CDH17: variants seen among roughly 807,000 people sequenced by gnomAD.
The protein encoded by CDH17 is cadherin 17.
A neutral mutation model predicts 86.3 loss-of-function variants in CDH17; 67 were observed. That is an observed-to-expected ratio of 0.78 (90% CI 0.64 to 0.95). The LOEUF is 0.95. Ranked by LOEUF, CDH17 falls within the 40% of genes least tolerant of loss-of-function variation. CDH17 has a pLI of 0.00. For missense variants in CDH17, 993 were observed against 1,017.6 expected, an observed-to-expected ratio of 0.98 and a Z score of 0.33; for synonymous variants, 367 against 366.4, an observed-to-expected ratio of 1.00 and a Z score of -0.02.
In CDH17 at chr8:94,145,992, G is replaced by A. The variant is rs1160744864; in HGVS notation, c.2103C>T (p.Pro701=). 1.9e-6 allele frequency: 3 copies of A among 1,613,672 alleles called. No individual in the cohort carries two copies. Among genetic ancestry groups the A allele is most frequent in the East Asian group, 4.5e-5 (2 of 44,862 alleles). ...TDDDQHLFRG[P]HFTFSLGSGS... is the part of the protein sequence containing the mutation. ...CACTGCCGAGGGAAAATGTAAAATG[G>A]GGACCCCGAAATAAGTGCTGATCAT... The change falls in exon 15 of 18, where the codon CCC becomes CCT. Residue 701 remains proline, a synonymous_variant. Transcript: ENST00000027335.
chr8:94,193,787 G>C (rs1461929552), intron 2 of CDH17, among the ~76,000 whole-genome samples: 1 of 152,094 alleles, frequency 6.6e-6, no homozygotes, highest in Non-Finnish European at 1.5e-5. Context: ...CGGGAGGAAG[G>C]CTCTGATAGT....
intron 1 of CDH17, among the ~76,000 whole-genome samples, chr8:94,214,607 T>C (rs1166106764): frequency 6.6e-6 from 1 of 152,002 alleles, no homozygotes; most frequent in Non-Finnish European, 1.5e-5. Flanking sequence ...GTCTTAGCTA[T>C]GACACCAAAA....
intron 1 of CDH17, among the ~76,000 whole-genome samples, chr8:94,205,214 T>C (rs891840952): frequency 3.2e-4 from 49 of 152,176 alleles, no homozygotes; most frequent in African/African-American, 1.1e-3. Context: ...CACAAGCATC[T>C]TCCCTGGACT....
chr8:94,196,520 C>T (rs1029797114), intron 1 of CDH17, among the ~76,000 whole-genome samples: 44 of 152,116 alleles, frequency 2.9e-4, no homozygotes, highest in Admixed American at 2.3e-3. Context: ...CCCTGGCCAA[C>T]ATGGCGAGAC....
chr8:94,210,019 A>G (rs1317322969), upstream of CDH17, among the ~76,000 whole-genome samples: 1 of 152,038 alleles, frequency 6.6e-6, no homozygotes, highest in Non-Finnish European at 1.5e-5. Context: ...TATCAATTAA[A>G]ATTCTGTTTT....
At chr8:94,190,850 C>T (rs997267656) in intron 2 of CDH17, among the ~76,000 whole-genome samples, 1 of 152,192 alleles carries the variant, frequency 6.6e-6, no homozygotes, top group Non-Finnish European at 1.5e-5. Flanking sequence ...TGCTAGATCC[C>T]TCAGTCTGGG....
rs1468067779 is a variant in CDH17, at chr8:94,148,258, G to A, written c.1927+486C>T. Among the ~76,000 whole-genome samples the A allele has an allele frequency of 3.3e-5, 5 of 152,062 alleles. No individual in the cohort carries two copies. In the East Asian group the frequency reaches 9.6e-4, roughly 29 times the overall value. On this transcript the variant is annotated intron_variant, in intron 14 of 17. Transcript: ENST00000027335. Reference sequence around the variant, plus strand: ...TTTTCACCTTTAACAAAACCACAAAGGGGCTGGGCGTGGTGGCTCACACCT... The same window carrying A: ...TTTTCACCTTTAACAAAACCACAAAAGGGCTGGGCGTGGTGGCTCACACCT...
chr8:94,174,068 C>T lies in CDH17; in HGVS notation c.583+34G>A, dbSNP rs776972662. ...ACAGACCAAACTCCCTTTTTCTGAT[C>T]GAGACAGTCCTACCAGGGCACCCCT... On this transcript the variant is annotated intron_variant, in intron 6 of 17. Coordinates refer to ENST00000027335, the MANE Select transcript of CDH17 (RefSeq NM_004063.4). The T allele has an allele frequency of 1.4e-5, 22 of 1,610,036 alleles. No individual in the cohort carries two copies. In the Admixed American group the frequency reaches 2.0e-4, roughly 15 times the overall value.
rs201028445 is a variant in CDH17, at chr8:94,165,850, G to A, written c.1193C>T (p.Thr398Ile). ...LPMDGLFLIQTYAGMLQLAKQ... is the reference protein window; with the variant it reads ...LPMDGLFLIQIYAGMLQLAKQ... The stretch of plus-strand genomic sequence containing the variant: ...AGCTAACTGTAACATTCCAGCATAG[G>A]TTTGGATTAGGAAGAGTCCATCCAT... The change falls in exon 10 of 18, where the codon ACC becomes ATC. Residue 398 changes from threonine to isoleucine, a missense_variant. By Grantham distance (89) the Thr-to-Ile change is moderately conservative (BLOSUM62 -1). Coordinates refer to ENST00000027335, the MANE Select transcript of CDH17 (RefSeq NM_004063.4). 1.9e-5 allele frequency: 30 copies of A among 1,613,778 alleles called. No individual in the cohort carries two copies. In the East Asian group the frequency reaches 4.7e-4, roughly 25 times the overall value.
At chr8:94,147,356 C>G (rs1812763646) in intron 14 of CDH17, among the ~76,000 whole-genome samples, 1 of 152,156 alleles carries the variant, frequency 6.6e-6, no homozygotes, top group Non-Finnish European at 1.5e-5. Context: ...TGCATTCTAC[C>G]CTTTTTGGTT....
rs183850907 is a variant in CDH17 at position 94,144,521 on chromosome 8, C to T, written c.2167+1407G>A. Reference sequence around the variant, plus strand: ...TGCAATAAGATGAGGTATGCCTATACAAAAATTACCTTAAAAAGGCATAGA... The same window carrying T: ...TGCAATAAGATGAGGTATGCCTATATAAAAATTACCTTAAAAAGGCATAGA... On this transcript the variant is annotated intron_variant, in intron 15 of 17. Transcript: ENST00000027335. 8.6e-5 allele frequency among the ~76,000 whole-genome samples: 13 copies of T among 151,796 alleles called. No homozygotes were observed. The East Asian group carries it at 2.1e-3, about 25-fold the overall frequency.
chr8:94,207,107 A>G (rs1563593281), intron 1 of CDH17, among the ~76,000 whole-genome samples: 1 of 152,210 alleles, frequency 6.6e-6, no homozygotes, highest in South Asian at 2.1e-4. Context: ...GGGCTTTAAA[A>G]TGCTATATAT....
At chr8:94,162,880 A>G (rs1377528911) in intron 10 of CDH17, among the ~76,000 whole-genome samples, 1 of 152,170 alleles carries the variant, frequency 6.6e-6, no homozygotes, top group Non-Finnish European at 1.5e-5. Context: ...AGAGAACAAG[A>G]GATAAAATGA....
In CDH17 at chr8:94,195,287, A is replaced by T. The variant is rs184126177; in HGVS notation, c.-20-582T>A. On this transcript the variant is annotated intron_variant, in intron 1 of 17. Coordinates refer to ENST00000027335, the MANE Select transcript of CDH17 (RefSeq NM_004063.4). Reference sequence around the variant, plus strand: ...CAAAGTGCTGGGATTACAGATGCCCAGCCAGCAATGAGTATTCCTTTCACT... The same window carrying T: ...CAAAGTGCTGGGATTACAGATGCCCTGCCAGCAATGAGTATTCCTTTCACT... 2.9e-3 allele frequency among the ~76,000 whole-genome samples: 437 copies of T among 152,144 alleles called. 3 individuals carry two copies. The highest frequency in any genetic ancestry group is 0.01 in the African/African-American group (420 of 41,498).
In CDH17 at chr8:94,170,467, A is replaced by G. The variant is rs150953032; in HGVS notation, c.996T>C (p.Asp332=). The change falls in exon 9 of 18, where the codon GAT becomes GAC. Residue 332 remains aspartate, a synonymous_variant. Coordinates refer to ENST00000027335, the MANE Select transcript of CDH17 (RefSeq NM_004063.4). ...GACATGTAGGTGGATTATCATTAAT[A>G]TCTTTAACTTTTACATGAATTTCCA... is the stretch of plus-strand genomic sequence containing the variant. ...YPLEIHVKVK[D]INDNPPTCPS... 6 of 1,613,754 alleles carry G rather than the reference A, an allele frequency of 3.7e-6. No homozygotes were observed. The African/African-American group carries it at 5.3e-5, about 14-fold the overall frequency.
intron 1 of CDH17, chr8:94,201,869 AT>A (rs1813920748): frequency 6.4e-6 from 1 of 155,836 alleles, no homozygotes; most frequent in South Asian, 1.9e-4. Context: ...AACGGCATTC[AT>A]TTATTTTTTT....
chr8:94,199,073 ATATATATATATTTTTT>A lies in CDH17; in HGVS notation c.-20-4384_-20-4369del, dbSNP rs1198830304. Among the ~76,000 whole-genome samples the A allele has an allele frequency of 3.0e-3, 40 of 13,516 alleles. 1 individual carries two copies. The highest frequency in any genetic ancestry group is 8.3e-3 in the African/African-American group (39 of 4,710). The allele number at this position is 13,516 out of a possible 152,430, so 8.9% of individuals were successfully genotyped here. A position where few individuals can be genotyped will look rare whatever the true frequency, so the allele number is the denominator to read the frequency against. ...TATATATATATATATATATATATAT[ATATATATATATTTTTT>A]TTTTTTTATCATTTGTCTGTTAGCA... On this transcript the variant is annotated intron_variant, in intron 1 of 17. Transcript: ENST00000027335.
intron 15 of CDH17, among the ~76,000 whole-genome samples, chr8:94,136,085 C>A (rs1263684318): frequency 2.0e-5 from 3 of 152,196 alleles, no homozygotes; most frequent in Non-Finnish European, 4.4e-5. Flanking sequence ...CTGCCCTTAA[C>A]ATTTTTCCCT....
At chr8:94,133,979 C>A (rs1212673796) in intron 15 of CDH17, among the ~76,000 whole-genome samples, 1 of 152,180 alleles carries the variant, frequency 6.6e-6, no homozygotes, top group Admixed American at 6.5e-5. Flanking sequence ...GTATGTTGAA[C>A]CAGCCTTGCA....
Sources: gnomAD v4.1 joint callset for allele counts (sites outside exome capture counted in the v4.1 genomes callset) on GRCh38, gnomAD v4.1.1 for gene constraint, MANE v1.5 for transcripts, NCBI Gene and HGNC (gene_info 2026-07-23, HGNC 2026-07-21) for gene names.